The following TRIT1 variants were observed in gnomAD, a reference collection of about 807,000 sequenced individuals.
The protein encoded by TRIT1 is tRNA dimethylallyltransferase.
Under a neutral mutation model 51.2 loss-of-function variants are expected in TRIT1, and 43 were observed. The ratio of observed to expected loss-of-function variants is 0.84; its 90% confidence interval spans 0.66 to 1.08. The LOEUF (loss-of-function observed/expected upper bound fraction) is 1.08, where lower values mean the gene tolerates loss of function less well. Ranked by LOEUF, TRIT1 falls within the 50% of genes least tolerant of loss-of-function variation. The probability of loss-of-function intolerance (pLI) is 0.00; values close to 1 mark genes in which losing one functional copy is unlikely to be tolerated. For synonymous variants in TRIT1, 184 were observed against 203.9 expected (o/e 0.90, Z 0.83); for missense variants, 528 against 578.4 (o/e 0.91, Z 0.89).
At chr1:39,874,529 CAT>C (rs767622671) in intron 1 of TRIT1, among the ~76,000 whole-genome samples, 9 of 152,106 alleles carry the variant, frequency 5.9e-5, no homozygotes, top group Non-Finnish European at 8.8e-5. Context: ...ACACATGACA[CAT>C]GTGCTTAAAT....
chr1:39,872,500 G>A (rs1338301350), intron 1 of TRIT1, among the ~76,000 whole-genome samples: 1 of 152,038 alleles, frequency 6.6e-6, no homozygotes, highest in Non-Finnish European at 1.5e-5. Flanking sequence ...ATATACTATA[G>A]GGAATGAGAG....
chr1:39,850,442 C>G (rs1051547222), intron 4 of TRIT1, among the ~76,000 whole-genome samples, 181 bp from the exon 5 acceptor site: 3 of 152,144 alleles, frequency 2.0e-5, no homozygotes, highest in Non-Finnish European at 4.4e-5. Flanking sequence ...GGGAGGACTG[C>G]TTGAGCTCAG....
Position 39,844,147 on chromosome 1 carries a change from C to T in TRIT1, c.1188G>A (p.Leu396=). 1.9e-6 allele frequency: 3 copies of T among 1,614,202 alleles called. No individual in the cohort carries two copies. The highest frequency in any genetic ancestry group is 1.1e-5 in the South Asian group (1 of 91,084). The part of the protein sequence containing the change: ...NEAENKRSYH[L]CDLCDRIIIG... ...TGATGATTCGATCACAGAGGTCACA[C>T]AGGTGATAACTTCTCTTGTTCTCAG... Residue 396 remains leucine (L), a synonymous_variant, in exon 10 of 11, where the codon CTG becomes CTA. Transcript: ENST00000316891.
chr1:39,844,328 C>G (rs1642098141), intron 9 of TRIT1, 110 bp from the exon 10 acceptor site: 4 of 969,858 alleles, frequency 4.1e-6, no homozygotes, highest in Non-Finnish European at 6.4e-6. Context: ...ACCCAGAGAG[C>G]AGATGGGCTG....
chr1:39,847,838 T>C, intron 6 of TRIT1, 148 bp downstream of exon 6: 1 of 1,380,074 alleles, frequency 7.2e-7, no homozygotes, highest in Non-Finnish European at 9.8e-7. Context: ...CTTGAAAAGT[T>C]AACTCCTGGG....
chr1:39,879,830 T>A (rs1315266488), intron 1 of TRIT1, among the ~76,000 whole-genome samples: 1 of 128,668 alleles, frequency 7.8e-6, no homozygotes, highest in East Asian at 2.3e-4. Context: ...CAAGATGGTG[T>A]CATTGCACTC....
chr1:39,878,359 C>T (rs1041413198), intron 1 of TRIT1, among the ~76,000 whole-genome samples: 1 of 152,150 alleles, frequency 6.6e-6, no homozygotes, highest in Admixed American at 6.6e-5. Context: ...TCAATGTTTA[C>T]AAAAACAAAT....
At chr1:39,855,793 T>C (rs987049368) in intron 2 of TRIT1, among the ~76,000 whole-genome samples, 1 of 152,142 alleles carries the variant, frequency 6.6e-6, no homozygotes, top group Non-Finnish European at 1.5e-5. Flanking sequence ...TTTAACTTAT[T>C]TGTGCAAGCC....
At chr1:39,864,597 C>CAAA (rs58041605) in intron 1 of TRIT1, among the ~76,000 whole-genome samples, 2,102 of 97,212 alleles carry the variant, frequency 0.022, 32 homozygotes, top group East Asian at 0.16. Context: ...GACTCTGTCT[C>CAAA]AAAAAAAAAA....
intron 1 of TRIT1, among the ~76,000 whole-genome samples, chr1:39,868,600 C>T (rs907433888): frequency 8.8e-4 from 130 of 147,068 alleles, no homozygotes; most frequent in African/African-American, 3.2e-3. Flanking sequence ...GCCAAGATCG[C>T]GCCATTGCAC....
At chr1:39,856,286 A>G (rs186894227) in intron 2 of TRIT1, among the ~76,000 whole-genome samples, 128 of 152,166 alleles carry the variant, frequency 8.4e-4, no homozygotes, top group Middle Eastern at 3.4e-3. Flanking sequence ...AGCCTGGGTG[A>G]CAGAGCAAGA....
At chr1:39,855,607 T>A (rs931119928) in intron 2 of TRIT1, among the ~76,000 whole-genome samples, 1 of 152,174 alleles carries the variant, frequency 6.6e-6, no homozygotes, top group Non-Finnish European at 1.5e-5. Flanking sequence ...TCCAAAAGTT[T>A]CAGATTTTGG....
intron 1 of TRIT1, among the ~76,000 whole-genome samples, chr1:39,861,935 A>G (rs931236829): frequency 2.0e-5 from 3 of 151,522 alleles, no homozygotes; most frequent in African/African-American, 7.3e-5. Context: ...AAAAAAAAAA[A>G]AAAAGAAAAA....
At position 39,840,859 on chromosome 1, in the gene TRIT1, C is replaced by T. The variant is rs1247601737; in HGVS notation, c.*885G>A. On this transcript the variant is annotated 3_prime_UTR_variant, in exon 11 of 11. Transcript: ENST00000316891. Reference sequence around the variant, plus strand: ...AGGGCTTCAATTGGAAGTAATAGATCTCCAATAAAAGACCCTCTCTAGATG... The same window carrying T: ...AGGGCTTCAATTGGAAGTAATAGATTTCCAATAAAAGACCCTCTCTAGATG... 6.6e-6 allele frequency among the ~76,000 whole-genome samples: 1 copy of T among 152,138 alleles called. No homozygotes were observed. The highest frequency in any genetic ancestry group is 1.5e-5 in the Non-Finnish European group (1 of 68,024).
chr1:39,875,815 G>T (rs1644034159), intron 1 of TRIT1, among the ~76,000 whole-genome samples: 1 of 152,128 alleles, frequency 6.6e-6, no homozygotes, highest in South Asian at 2.1e-4. Context: ...AGAGGAAAAA[G>T]TATAAAACAG....
At chr1:39,866,379 A>C (rs974971332) in intron 1 of TRIT1, among the ~76,000 whole-genome samples, 1 of 152,196 alleles carries the variant, frequency 6.6e-6, no homozygotes, top group African/African-American at 2.4e-5. Context: ...GGGAGAAAAG[A>C]TAGTTTTAGC....
chr1:39,865,712 T>C (rs1157217791), intron 1 of TRIT1, among the ~76,000 whole-genome samples: 2 of 145,914 alleles, frequency 1.4e-5, no homozygotes, highest in African/African-American at 2.5e-5. Context: ...TAGTCAGGCA[T>C]GGTGGTGTGC....
At position 39,841,632 on chromosome 1, in the gene TRIT1, G is replaced by T; in HGVS notation, c.*112C>A. On this transcript the variant is annotated 3_prime_UTR_variant, in exon 11 of 11. Coordinates refer to ENST00000316891, the MANE Select transcript of TRIT1 (RefSeq NM_017646.6). ...AAAAGAAAATGGTGGGAGCTTTTCTGCTATGCAGAGAATTCCGCATAGCAC... is the reference window on the plus strand; with the variant it reads ...AAAAGAAAATGGTGGGAGCTTTTCTTCTATGCAGAGAATTCCGCATAGCAC... 5.4e-6 allele frequency: 6 copies of T among 1,121,006 alleles called. No homozygotes were observed. Among genetic ancestry groups the T allele is most frequent in the Non-Finnish European group, 7.4e-6 (6 of 808,404 alleles). The allele number at this position is 1,121,006 out of a possible 1,614,324, so 69.4% of individuals were successfully genotyped here.
chr1:39,863,090 T>C (rs1405853433), intron 1 of TRIT1, among the ~76,000 whole-genome samples: 4 of 152,256 alleles, frequency 2.6e-5, no homozygotes, highest in Non-Finnish European at 4.4e-5. Flanking sequence ...TCTAACATAA[T>C]TGACTTATCT....
Sources: gnomAD v4.1 joint callset for allele counts (sites outside exome capture counted in the v4.1 genomes callset) on GRCh38, gnomAD v4.1.1 for gene constraint, MANE v1.5 for transcripts, NCBI Gene and HGNC (gene_info 2026-07-23, HGNC 2026-07-21) for gene names.